The following LGR6 variants were observed in gnomAD, a reference collection of about 807,000 sequenced individuals.
LGR6 encodes leucine-rich repeat-containing G protein-coupled receptor 6.
Under a neutral mutation model 69.4 loss-of-function variants are expected in LGR6, and 45 were observed. That is an observed-to-expected ratio of 0.65 (90% CI 0.51 to 0.83). The LOEUF (loss-of-function observed/expected upper bound fraction) is 0.83, where lower values mean the gene tolerates loss of function less well. LGR6 is among the 40% of genes least tolerant of loss of function. The pLI is 0.00. For missense variants in LGR6, 1,108 were observed against 1,246.7 expected (o/e 0.89, Z 1.68); for synonymous variants, 538 against 555.0 (o/e 0.97, Z 0.43).
At chr1:202,238,509 C>T (rs761468309) in intron 4 of LGR6, among the ~76,000 whole-genome samples, 16 of 151,326 alleles carry the variant, frequency 1.1e-4, no homozygotes, top group Non-Finnish European at 1.3e-4. Flanking sequence ...CTGCAACCTC[C>T]GCCTCCTGGG....
chr1:202,208,646 G>A (rs1571813939), intron 1 of LGR6, among the ~76,000 whole-genome samples: 1 of 151,994 alleles, frequency 6.6e-6, no homozygotes, highest in Non-Finnish European at 1.5e-5. Context: ...GCCAGCCGAC[G>A]CCACGCCAGC....
At position 202,193,898 on chromosome 1, in the gene LGR6, G is replaced by A. The variant is rs1658528493; in HGVS notation, c.-92G>A. Reference sequence around the variant, plus strand: ...CCCTGGGGCGGTCCCCACCGACGGTGCAGCCCGCCGGGACCGGGAGGAAGC... The same window carrying A: ...CCCTGGGGCGGTCCCCACCGACGGTACAGCCCGCCGGGACCGGGAGGAAGC... On this transcript the variant is annotated 5_prime_UTR_variant, in exon 1 of 18. Coordinates refer to ENST00000367278, the MANE Select transcript of LGR6 (RefSeq NM_001017403.2). The A allele has an allele frequency of 1.3e-5, 11 of 837,184 alleles. No homozygotes were observed. Among genetic ancestry groups the A allele is most frequent in the Non-Finnish European group, 1.7e-5 (11 of 630,750 alleles). 51.9% of individuals were successfully genotyped at this position (837,184 alleles called of 1,614,324 possible).
At chr1:202,297,278 T>TC (rs1486033618) in intron 6 of LGR6, among the ~76,000 whole-genome samples, 1 of 152,154 alleles carries the variant, frequency 6.6e-6, no homozygotes, top group Non-Finnish European at 1.5e-5. Flanking sequence ...GAAGTATGTC[T>TC]CCCCCCTCAG....
chr1:202,200,488 A>G lies in LGR6; in HGVS notation c.212+6287A>G, dbSNP rs572665424. On this transcript the variant is annotated intron_variant, in intron 1 of 17. Coordinates refer to ENST00000367278, the MANE Select transcript of LGR6 (RefSeq NM_001017403.2). Reference sequence around the variant, plus strand: ...CTTAGGCTAGTGAGTCACTATTGGGAGCAGGGCCAAGATCAAGGAGCCTGC... The same window carrying G: ...CTTAGGCTAGTGAGTCACTATTGGGGGCAGGGCCAAGATCAAGGAGCCTGC... 1.3e-4 allele frequency among the ~76,000 whole-genome samples: 20 copies of G among 152,194 alleles called. No individual in the cohort carries two copies. In the South Asian group the frequency reaches 2.5e-3, roughly 19 times the overall value.
At position 202,304,438 on chromosome 1, in the gene LGR6, A is replaced by G. The variant is rs1033964883; in HGVS notation, c.999-121A>G. ...CACCCCCTGCCCTGTCTCTCCCTCCATTTCTCTCTTTTGTTAGCTCCGTCA... is the reference window on the plus strand; with the variant it reads ...CACCCCCTGCCCTGTCTCTCCCTCCGTTTCTCTCTTTTGTTAGCTCCGTCA... On this transcript the variant is annotated intron_variant, in intron 10 of 17. Coordinates refer to ENST00000367278, the MANE Select transcript of LGR6 (RefSeq NM_001017403.2). 2.5e-5 allele frequency: 14 copies of G among 557,164 alleles called. No individual in the cohort carries two copies. In the South Asian group the frequency reaches 3.1e-4, roughly 13 times the overall value. The allele number at this position is 557,164 out of a possible 1,614,324, so 34.5% of individuals were successfully genotyped here. A position where few individuals can be genotyped will look rare whatever the true frequency, so the allele number is the denominator to read the frequency against.
intron 10 of LGR6, among the ~76,000 whole-genome samples, chr1:202,303,915 T>G (rs547970843): frequency 1.8e-3 from 274 of 152,206 alleles, no homozygotes; most frequent in African/African-American, 4.2e-3. Flanking sequence ...CTCCGTTGTC[T>G]CCCCGCTAGA....
At chr1:202,276,168 T>C in intron 4 of LGR6, 138 bp from the exon 5 acceptor site, 2 of 659,370 alleles carry the variant, frequency 3.0e-6, no homozygotes, top group South Asian at 3.7e-5. Context: ...GGATACAGGA[T>C]ACATGGTGGC....
In LGR6 at chr1:202,310,355, A is replaced by G. The variant is rs1302643568; in HGVS notation, c.1565A>G (p.His522Arg). ...LGLLARQAEN[H>R]YDQDLDELQL... is the part of the protein sequence containing the mutation. ...CTCCTTGCCAGACAAGCAGAGAACCACTGTGAGTGACCAGGGGCCCTGGGT... is the reference window on the plus strand; with the variant it reads ...CTCCTTGCCAGACAAGCAGAGAACCGCTGTGAGTGACCAGGGGCCCTGGGT... The change falls in exon 16 of 18, where the codon CAC (histidine) becomes CGC (arginine). Residue 522 changes from histidine to arginine, a missense_variant and splice_region_variant. His to Arg is a conservative substitution (Grantham distance 29, BLOSUM62 0). Transcript: ENST00000367278. 1 of 1,613,350 alleles carries G rather than the reference A, an allele frequency of 6.2e-7. No homozygotes were observed. The highest frequency in any genetic ancestry group is 1.3e-5 in the African/African-American group (1 of 74,980).
At chr1:202,295,765 G>A (rs1038024134) in intron 6 of LGR6, among the ~76,000 whole-genome samples, 3 of 152,180 alleles carry the variant, frequency 2.0e-5, no homozygotes, top group Non-Finnish European at 2.9e-5. Flanking sequence ...AGAGGCAAAG[G>A]TATCTGACTC....
intron 1 of LGR6, among the ~76,000 whole-genome samples, chr1:202,209,144 C>T (rs1363491250): frequency 5.9e-5 from 9 of 152,116 alleles, no homozygotes; most frequent in African/African-American, 1.9e-4. Flanking sequence ...CCCAAGTTTC[C>T]CTCCTATTTT....
In LGR6 at chr1:202,304,574, A is replaced by C; in HGVS notation, c.1014A>C (p.Ala338=). The change falls in exon 11 of 18, where the codon GCA becomes GCC. Residue 338 remains alanine (A), a synonymous_variant. Transcript: ENST00000367278. ...CTCCCTGCAGGACCCTGACCCGCGC[A>C]GGCATCCGGCTGCTCCCATCGGGGA... ...TSLEILTLTR[A]GIRLLPSGMC... 6.2e-7 allele frequency: 1 copy of C among 1,609,590 alleles called. No individual in the cohort carries two copies. Among genetic ancestry groups the C allele is most frequent in the Non-Finnish European group, 8.5e-7 (1 of 1,176,670 alleles).
At chr1:202,283,985 G>A (rs143713088) in intron 6 of LGR6, among the ~76,000 whole-genome samples, 1 of 152,350 alleles carries the variant, frequency 6.6e-6, no homozygotes, top group East Asian at 1.9e-4. Flanking sequence ...CTACCTCAGA[G>A]ATGGGGAGAA....
chr1:202,317,089 C>G (rs774597427), intron 17 of LGR6, among the ~76,000 whole-genome samples: 1 of 152,172 alleles, frequency 6.6e-6, no homozygotes, highest in African/African-American at 2.4e-5. Context: ...TCAGGACTCT[C>G]CCACAGTGGA....
At chr1:202,296,327 G>A (rs962690115) in intron 6 of LGR6, among the ~76,000 whole-genome samples, 1 of 152,144 alleles carries the variant, frequency 6.6e-6, no homozygotes, top group Non-Finnish European at 1.5e-5. Flanking sequence ...TCCACATGAG[G>A]CTAAGTCGTT....
intron 1 of LGR6, chr1:202,197,560 T>C (rs1304616502): frequency 2.2e-6 from 1 of 456,278 alleles, no homozygotes; most frequent in Non-Finnish European, 4.4e-6. Flanking sequence ...GGACATCCAA[T>C]CTGATGGTGA....
chr1:202,276,560 G>A (rs756505931), intron 5 of LGR6, 39 bp downstream of exon 5: 1 of 1,453,036 alleles, frequency 6.9e-7, no homozygotes, highest in Non-Finnish European at 9.5e-7. Context: ...GTGGGGTCCT[G>A]CTGGGGGCTG....
chr1:202,272,618 C>T (rs1665196553), intron 4 of LGR6, among the ~76,000 whole-genome samples: 1 of 152,206 alleles, frequency 6.6e-6, no homozygotes, highest in African/African-American at 2.4e-5. Flanking sequence ...AAAGTAAGGC[C>T]CTGTTTTAAG....
chr1:202,204,767 CCTT>C (rs1236703431), intron 1 of LGR6, among the ~76,000 whole-genome samples: 2 of 50,392 alleles, frequency 4.0e-5, no homozygotes, highest in Non-Finnish European at 3.8e-5. Flanking sequence ...ACACACCCCT[CCTT>C]CAAACACACA....
chr1:202,237,759 G>C (rs1428461892), intron 4 of LGR6, among the ~76,000 whole-genome samples: 1 of 152,142 alleles, frequency 6.6e-6, no homozygotes, highest in South Asian at 2.1e-4. Context: ...CACTCCCCCA[G>C]TTATAAGGCA....
Sources: allele counts gnomAD v4.1 joint callset (sites outside exome capture counted in the v4.1 genomes callset), GRCh38; gene constraint gnomAD v4.1.1; transcripts MANE v1.5; gene names NCBI Gene and HGNC (gene_info 2026-07-23, HGNC 2026-07-21).